AUTS2: variants seen among roughly 807,000 people sequenced by gnomAD.
AUTS2 encodes the protein activator of transcription and developmental regulator AUTS2.
Under a neutral mutation model 112.4 loss-of-function variants are expected in AUTS2, and 17 were observed. That is an observed-to-expected ratio of 0.15 (90% CI 0.10 to 0.23). The LOEUF (loss-of-function observed/expected upper bound fraction) is 0.23, where lower values mean the gene tolerates loss of function less well. Ranked by LOEUF, AUTS2 falls within the 10% of genes least tolerant of loss-of-function variation. The pLI is 1.00. For synonymous variants in AUTS2, 751 were observed against 702.7 expected (o/e 1.07, Z -1.09); for missense variants, 1,510 against 1,701.6 (o/e 0.89, Z 1.98).
At chr7:70,213,041 A>G (rs1222957678) in intron 4 of AUTS2, among the ~76,000 whole-genome samples, 1 of 152,220 alleles carries the variant, frequency 6.6e-6, no homozygotes, top group Non-Finnish European at 1.5e-5. Context: ...AAATGTTCTT[A>G]ACATAAAGAA....
chr7:70,771,296 AG>A (rs1790322746), intron 10 of AUTS2: 1 of 305,910 alleles, frequency 3.3e-6, no homozygotes, highest in African/African-American at 2.1e-5. Flanking sequence ...TAATTAGAAA[AG>A]CTCCCTTTCT....
chr7:70,614,426 C>T (rs1804248368), intron 5 of AUTS2, among the ~76,000 whole-genome samples: 1 of 152,158 alleles, frequency 6.6e-6, no homozygotes, highest in Non-Finnish European at 1.5e-5. Flanking sequence ...GTTTTAGTTT[C>T]TCTTCTGTAA....
chr7:70,706,640 A>G (rs1809753265), intron 6 of AUTS2, among the ~76,000 whole-genome samples: 1 of 152,214 alleles, frequency 6.6e-6, no homozygotes, highest in African/African-American at 2.4e-5. Context: ...GTTCCCTAAT[A>G]GCCATTTGGT....
chr7:70,347,118 G>A (rs1013565789), intron 4 of AUTS2, among the ~76,000 whole-genome samples: 11 of 152,206 alleles, frequency 7.2e-5, no homozygotes, highest in East Asian at 1.9e-4. Flanking sequence ...GTGTGCCTCC[G>A]TTTACACTGT....
chr7:69,818,801 C>T (rs1272218616), intron 1 of AUTS2, among the ~76,000 whole-genome samples: 3 of 152,120 alleles, frequency 2.0e-5, no homozygotes, highest in Non-Finnish European at 2.9e-5. Context: ...AATTTCTAGC[C>T]GAGTGGATAG....
At chr7:70,549,354 T>C (rs1800925498) in intron 5 of AUTS2, among the ~76,000 whole-genome samples, 2 of 152,234 alleles carry the variant, frequency 1.3e-5, no homozygotes, top group African/African-American at 4.8e-5. Context: ...GGGATGACTT[T>C]TCTTTTTCTT....
At chr7:70,031,145 A>G in intron 2 of AUTS2, among the ~76,000 whole-genome samples, 1 of 152,016 alleles carries the variant, frequency 6.6e-6, no homozygotes, top group East Asian at 1.9e-4. Flanking sequence ...CTGTATTCCC[A>G]TTGTTTTATT....
intron 1 of AUTS2, among the ~76,000 whole-genome samples, chr7:69,852,991 A>C (rs1792556934): frequency 6.6e-6 from 1 of 152,088 alleles, no homozygotes; most frequent in African/African-American, 2.4e-5. Flanking sequence ...CATTGTGGTC[A>C]GAGAATACAC....
chr7:70,289,860 G>A (rs1333009031), intron 4 of AUTS2, among the ~76,000 whole-genome samples: 2 of 152,146 alleles, frequency 1.3e-5, no homozygotes, highest in African/African-American at 4.8e-5. Flanking sequence ...TTGTAGGGAA[G>A]GGAAATACAT....
At chr7:70,148,663 T>C (rs953705896) in intron 4 of AUTS2, among the ~76,000 whole-genome samples, 10 of 152,002 alleles carry the variant, frequency 6.6e-5, no homozygotes, top group Non-Finnish European at 1.0e-4. Flanking sequence ...AGGTTGTCTT[T>C]CTTATTTGAA....
intron 2 of AUTS2, among the ~76,000 whole-genome samples, chr7:70,101,834 G>T (rs538732962): frequency 6.6e-6 from 1 of 152,144 alleles, no homozygotes; most frequent in Non-Finnish European, 1.5e-5. Flanking sequence ...CTCCCAACTA[G>T]AATTTCTTCC....
intron 5 of AUTS2, among the ~76,000 whole-genome samples, chr7:70,563,020 T>C (rs1563043396): frequency 6.6e-6 from 1 of 152,082 alleles, no homozygotes; most frequent in Non-Finnish European, 1.5e-5. Flanking sequence ...TCTTTAAGGG[T>C]AGAGCTAGGA....
intron 4 of AUTS2, among the ~76,000 whole-genome samples, chr7:70,330,863 C>A (rs774741428): frequency 2.0e-5 from 3 of 151,530 alleles, no homozygotes; most frequent in Non-Finnish European, 4.4e-5. Context: ...AAATTGTTTC[C>A]TAGATATTTC....
chr7:69,760,680 G>T (rs534783635), intron 1 of AUTS2, among the ~76,000 whole-genome samples: 53 of 152,238 alleles, frequency 3.5e-4, no homozygotes, highest in Admixed American at 3.1e-3. Context: ...AATTAGCTGG[G>T]CGTGGTGGCA....
At chr7:70,263,861 T>C (rs1341240047) in intron 4 of AUTS2, among the ~76,000 whole-genome samples, 1 of 152,198 alleles carries the variant, frequency 6.6e-6, no homozygotes, top group Non-Finnish European at 1.5e-5. Context: ...AAAGCTAATA[T>C]GACTCTACTT....
intron 4 of AUTS2, among the ~76,000 whole-genome samples, chr7:70,406,074 C>T (rs987120915): frequency 1.4e-4 from 21 of 152,134 alleles, no homozygotes; most frequent in African/African-American, 4.6e-4. Context: ...ACGGTCTCCC[C>T]TTCCTGCCTG....
chr7:69,890,271 C>T lies in AUTS2; in HGVS notation c.310-9015C>T, dbSNP rs972715048. On this transcript the variant is annotated intron_variant, in intron 1 of 18. Coordinates refer to ENST00000342771, the MANE Select transcript of AUTS2 (RefSeq NM_015570.4). ...AGAGTGTGCAAAAATCTCACTTAAA[C>T]GGATAGTCGTGACCTCATCCCACAG... Among the ~76,000 whole-genome samples, 16 of 152,296 alleles carry T rather than the reference C, an allele frequency of 1.1e-4. No individual in the cohort carries two copies. In the Middle Eastern group the frequency reaches 0.014, roughly 130 times the overall value.
intron 1 of AUTS2, among the ~76,000 whole-genome samples, chr7:69,879,234 C>T (rs913279833): frequency 6.6e-6 from 1 of 152,066 alleles, no homozygotes; most frequent in Admixed American, 6.6e-5. Flanking sequence ...TTCCCTCCAT[C>T]CTGGGCTCAA....
chr7:69,929,276 T>C (rs929187491), intron 2 of AUTS2, among the ~76,000 whole-genome samples: 1 of 152,132 alleles, frequency 6.6e-6, no homozygotes, highest in Non-Finnish European at 1.5e-5. Flanking sequence ...TTTTTTTGAC[T>C]GCTTTTAAGT....
Sources: allele counts gnomAD v4.1 joint callset (sites outside exome capture counted in the v4.1 genomes callset), GRCh38; gene constraint gnomAD v4.1.1; transcripts MANE v1.5; gene names NCBI Gene and HGNC (gene_info 2026-07-23, HGNC 2026-07-21).